Variants in MMP16 observed in about 807,000 individuals in gnomAD.
MMP16 encodes matrix metalloproteinase-16.
A neutral mutation model predicts 67.8 loss-of-function variants in MMP16; 12 were observed. That is an observed-to-expected ratio of 0.18 (90% CI 0.11 to 0.29). The LOEUF (loss-of-function observed/expected upper bound fraction) is 0.29, where lower values mean the gene tolerates loss of function less well. MMP16 is among the 10% of genes least tolerant of loss of function. The probability of loss-of-function intolerance (pLI) is 1.00; values close to 1 mark genes in which losing one functional copy is unlikely to be tolerated. For synonymous variants in MMP16, 249 were observed against 255.9 expected (o/e 0.97, Z 0.26); for missense variants, 475 against 765.7 (o/e 0.62, Z 4.48).
At chr8:88,181,941 T>C (rs765096183) in intron 3 of MMP16, among the ~76,000 whole-genome samples, 4 of 152,086 alleles carry the variant, frequency 2.6e-5, no homozygotes, top group Non-Finnish European at 4.4e-5. Context: ...TTAGAACAAC[T>C]GGACATTCAC....
chr8:88,068,244 T>G (rs1031802418), intron 7 of MMP16, among the ~76,000 whole-genome samples: 2 of 152,106 alleles, frequency 1.3e-5, no homozygotes, highest in African/African-American at 4.8e-5. Flanking sequence ...ACTCTGTTCA[T>G]TTTTATTGAG....
chr8:88,112,769 C>G (rs571910603), intron 6 of MMP16, among the ~76,000 whole-genome samples: 2 of 151,276 alleles, frequency 1.3e-5, no homozygotes, highest in Non-Finnish European at 3.0e-5. Context: ...TAAATGGATG[C>G]CTGGAAAGTA....
At chr8:88,095,530 C>T (rs1024274896) in intron 6 of MMP16, among the ~76,000 whole-genome samples, 1 of 151,798 alleles carries the variant, frequency 6.6e-6, no homozygotes, top group Non-Finnish European at 1.5e-5. Flanking sequence ...TCCAACTCTG[C>T]TTATACCTAT....
In MMP16 at chr8:88,184,746, C is replaced by CAAAAAAA. The variant is rs61606557; in HGVS notation, c.404+1723_404+1729dup. On this transcript the variant is annotated intron_variant, in intron 3 of 9. Coordinates refer to ENST00000286614, the MANE Select transcript of MMP16 (RefSeq NM_005941.5). ...TGAGCGACAGAGTGAGGCCCTGTCT[C>CAAAAAAA]AAAAAAAAAAAAAAAAAAAAAAAAA... Among the ~76,000 whole-genome samples, 259 of 47,476 alleles carry CAAAAAAA rather than the reference C, an allele frequency of 5.5e-3. 11 individuals are homozygous for CAAAAAAA. The highest frequency in any genetic ancestry group is 0.018 in the African/African-American group (185 of 10,420). 31.1% of individuals were successfully genotyped at this position (47,476 alleles called of 152,430 possible). A position where few individuals can be genotyped will look rare whatever the true frequency, so the allele number is the denominator to read the frequency against.
At chr8:88,296,843 T>TAA (rs35274247) in intron 1 of MMP16, among the ~76,000 whole-genome samples, 38 of 114,888 alleles carry the variant, frequency 3.3e-4, no homozygotes, top group African/African-American at 8.5e-4. Flanking sequence ...AGACACTGCC[T>TAA]AAAAAAAAAA....
chr8:88,118,682 G>C lies in MMP16; in HGVS notation c.871+18C>G, dbSNP rs1478897551. The stretch of plus-strand genomic sequence containing the variant: ...ACTTCACTATCGGATTAAGCAAATT[G>C]AAACAGTAGTAACCTACCATATATC... On this transcript the variant is annotated intron_variant, in intron 5 of 9. Transcript: ENST00000286614. The C allele has an allele frequency of 1.2e-6, 2 of 1,606,322 alleles. No homozygotes were observed. Among genetic ancestry groups the C allele is most frequent in the South Asian group, 2.2e-5 (2 of 90,582 alleles).
intron 3 of MMP16, among the ~76,000 whole-genome samples, chr8:88,185,759 T>G (rs925666238): frequency 5.3e-5 from 8 of 152,276 alleles, no homozygotes; most frequent in African/African-American, 1.9e-4. Flanking sequence ...TAGAATGGGT[T>G]GGATGACCCT....
At chr8:88,158,987 G>A (rs1207211891) in intron 4 of MMP16, among the ~76,000 whole-genome samples, 1 of 152,098 alleles carries the variant, frequency 6.6e-6, no homozygotes, top group Non-Finnish European at 1.5e-5. Context: ...GATGTGTGGT[G>A]TTATTTCTGA....
At position 88,041,981 on chromosome 8, in the gene MMP16, A is replaced by G. The variant is rs566190923; in HGVS notation, c.1490-186T>C. Among the ~76,000 whole-genome samples, 1 of 152,180 alleles carries G rather than the reference A, an allele frequency of 6.6e-6. No homozygotes were observed. The highest frequency in any genetic ancestry group is 1.5e-5 in the Non-Finnish European group (1 of 68,032). On this transcript the variant is annotated intron_variant, in intron 9 of 9. Coordinates refer to ENST00000286614, the MANE Select transcript of MMP16 (RefSeq NM_005941.5). The surrounding 1 kb of genome is among the most constrained non-coding windows in gnomAD (Gnocchi z 6.0). ...ATGGCTGTGGCTGCTGTGCTCCAGG[A>G]ATGATGCCATCTAATGCCTATGGAA... is the stretch of plus-strand genomic sequence containing the variant.
At chr8:88,297,298 T>G (rs1162607237) in intron 1 of MMP16, among the ~76,000 whole-genome samples, 2 of 152,134 alleles carry the variant, frequency 1.3e-5, no homozygotes, top group Non-Finnish European at 2.9e-5. Flanking sequence ...AAGGAAGCAG[T>G]GCCAACAGCT....
chr8:88,285,296 C>G (rs920198179), intron 1 of MMP16, among the ~76,000 whole-genome samples: 42 of 151,968 alleles, frequency 2.8e-4, no homozygotes, highest in African/African-American at 1.0e-3. Context: ...CCTGCCACCA[C>G]GCCCAGCTAA....
chr8:88,294,552 A>G (rs1586005029), intron 1 of MMP16, among the ~76,000 whole-genome samples: 1 of 151,414 alleles, frequency 6.6e-6, no homozygotes, highest in Non-Finnish European at 1.5e-5. Flanking sequence ...ATATGTATAT[A>G]TGTCTCTATA....
intron 7 of MMP16, among the ~76,000 whole-genome samples, chr8:88,070,944 T>C (rs1808542972): frequency 1.3e-5 from 2 of 152,164 alleles, no homozygotes; most frequent in African/African-American, 4.8e-5. Context: ...TATTATGTAA[T>C]ATATTACATT....
At chr8:88,279,304 A>G (rs1810696261) in intron 1 of MMP16, among the ~76,000 whole-genome samples, 1 of 152,130 alleles carries the variant, frequency 6.6e-6, no homozygotes, top group South Asian at 2.1e-4. Context: ...AAATGATAAT[A>G]TATCCGCCAT....
chr8:88,247,417 G>A (rs1810130694), intron 1 of MMP16, among the ~76,000 whole-genome samples: 2 of 152,060 alleles, frequency 1.3e-5, no homozygotes, highest in Non-Finnish European at 2.9e-5. Context: ...GGCGCCCAGA[G>A]GGTATAAAGT....
At chr8:88,290,084 G>A (rs1398594698) in intron 1 of MMP16, among the ~76,000 whole-genome samples, 2 of 152,148 alleles carry the variant, frequency 1.3e-5, no homozygotes, top group African/African-American at 2.4e-5. Context: ...AATGCCATAA[G>A]TATTGATTTT....
chr8:88,081,552 C>G (rs949027371), intron 6 of MMP16, among the ~76,000 whole-genome samples: 4 of 151,954 alleles, frequency 2.6e-5, no homozygotes, highest in Non-Finnish European at 5.9e-5. Context: ...AAGTTCCATA[C>G]CAGCCTGGGC....
At chr8:88,157,685 A>C (rs1292920114) in intron 4 of MMP16, among the ~76,000 whole-genome samples, 1 of 151,944 alleles carries the variant, frequency 6.6e-6, no homozygotes, top group African/African-American at 2.4e-5. Context: ...TTATCTTTTT[A>C]TTATACTTTA....
At chr8:88,313,070 C>G (rs1283832632) in intron 1 of MMP16, among the ~76,000 whole-genome samples, 1 of 152,200 alleles carries the variant, frequency 6.6e-6, no homozygotes, top group Non-Finnish European at 1.5e-5. Context: ...GCTTTGTTCA[C>G]TCAGCCTAAT....
Sources: gnomAD v4.1 joint callset for allele counts (sites outside exome capture counted in the v4.1 genomes callset) on GRCh38, gnomAD v4.1.1 for gene constraint, Gnocchi (gnomAD v3.1) non-coding constraint, MANE v1.5 for transcripts, NCBI Gene and HGNC (gene_info 2026-07-23, HGNC 2026-07-21) for gene names.